PARPBP: variants seen among roughly 807,000 people sequenced by gnomAD.
The protein encoded by PARPBP is PARP1 binding protein, also known as PCNA-interacting partner.
A neutral mutation model predicts 50.0 loss-of-function variants in PARPBP; 52 were observed. The ratio of observed to expected loss-of-function variants is 1.04; its 90% confidence interval spans 0.83 to 1.31. The LOEUF (loss-of-function observed/expected upper bound fraction) is 1.31. Ranked by LOEUF, PARPBP falls within the 50% of genes most tolerant of loss-of-function variation. PARPBP has a pLI of 0.00. For synonymous variants in PARPBP, 244 were observed against 232.1 expected, an observed-to-expected ratio of 1.05 and a Z score of -0.47; for missense variants, 697 against 672.0, an observed-to-expected ratio of 1.04 and a Z score of -0.41.
intron 9 of PARPBP, among the ~76,000 whole-genome samples, chr12:102,189,085 G>A (rs1174981799): frequency 1.3e-5 from 2 of 152,166 alleles, no homozygotes; most frequent in Admixed American, 6.5e-5. Flanking sequence ...GTCCCAGAAT[G>A]AGAGGAGAAA....
Position 102,196,499 on chromosome 12 carries a change from A to G in PARPBP, c.*208A>G. On this transcript the variant is annotated 3_prime_UTR_variant, in exon 11 of 11. Transcript: ENST00000327680. ...ACAAAGTTTAATGCACAGAGAAAGCATATCATTTCAGTTACTGATACATCT... is the reference window on the plus strand; with the variant it reads ...ACAAAGTTTAATGCACAGAGAAAGCGTATCATTTCAGTTACTGATACATCT... 1 of 744,838 alleles carries G rather than the reference A, an allele frequency of 1.3e-6. No homozygotes were observed. Among genetic ancestry groups the G allele is most frequent in the Non-Finnish European group, 2.3e-6 (1 of 426,278 alleles). The allele number at this position is 744,838 out of a possible 1,614,324, so 46.1% of individuals were successfully genotyped here.
At chr12:102,164,299 A>G (rs1887897170) in intron 4 of PARPBP, 139 bp from the exon 5 acceptor site, 1 of 647,630 alleles carries the variant, frequency 1.5e-6, no homozygotes, top group Admixed American at 3.0e-5. Flanking sequence ...ACCTGTTTTT[A>G]TATGGCAGTT....
intron 9 of PARPBP, among the ~76,000 whole-genome samples, chr12:102,184,468 G>T (rs928520560): frequency 1.3e-5 from 2 of 152,156 alleles, no homozygotes; most frequent in African/African-American, 2.4e-5. Flanking sequence ...AAAGTTTTGG[G>T]AAATAGAACA....
At chr12:102,157,010 T>G (rs1446759315) in intron 4 of PARPBP, among the ~76,000 whole-genome samples, 1 of 152,244 alleles carries the variant, frequency 6.6e-6, no homozygotes, top group Non-Finnish European at 1.5e-5. Flanking sequence ...CCTGTTCCAG[T>G]AAGTTAACAC....
chr12:102,191,373 T>G (rs1200943613), intron 9 of PARPBP, among the ~76,000 whole-genome samples: 2 of 152,202 alleles, frequency 1.3e-5, no homozygotes, highest in African/African-American at 4.8e-5. Context: ...TTATATACAA[T>G]TAATATGTCA....
At position 102,152,802 on chromosome 12, in the gene PARPBP, T is replaced by C. The variant is rs1432570709; in HGVS notation, c.388-1067T>C. On this transcript the variant is annotated intron_variant, in intron 3 of 10. Transcript: ENST00000327680. ...AAAAAAAAAAGGGTTCCCAACCCTTTGGTAGATCAATTCAGACCAAAATTA... is the reference window on the plus strand; with the variant it reads ...AAAAAAAAAAGGGTTCCCAACCCTTCGGTAGATCAATTCAGACCAAAATTA... 2.1e-5 allele frequency among the ~76,000 whole-genome samples: 3 copies of C among 145,292 alleles called. No homozygotes were observed. The East Asian group carries it at 5.8e-4, about 28-fold the overall frequency.
chr12:102,130,360 A>G (rs762268961), intron 2 of PARPBP, among the ~76,000 whole-genome samples: 9 of 152,244 alleles, frequency 5.9e-5, no homozygotes, highest in Non-Finnish European at 1.0e-4. Context: ...TGCCAAAAGC[A>G]ATTGCAACAA....
At chr12:102,122,929 C>T (rs113803629) in intron 1 of PARPBP, among the ~76,000 whole-genome samples, 8 of 152,302 alleles carry the variant, frequency 5.3e-5, no homozygotes, top group Non-Finnish European at 1.0e-4. Context: ...TTATGTAGTA[C>T]GGTGTAACAA....
At chr12:102,122,580 G>A (rs540776888) in intron 1 of PARPBP, among the ~76,000 whole-genome samples, 6 of 152,146 alleles carry the variant, frequency 3.9e-5, no homozygotes, top group Non-Finnish European at 7.4e-5. Context: ...CTTTTAGCAG[G>A]CATGTCTGTA....
At chr12:102,126,369 CTATT>C (rs2137125710) in intron 2 of PARPBP, among the ~76,000 whole-genome samples, 1 of 152,272 alleles carries the variant, frequency 6.6e-6, no homozygotes, top group South Asian at 2.1e-4. Flanking sequence ...CTTTTATAGA[CTATT>C]TAGTCATGCT....
At chr12:102,148,769 G>C (rs1162415079) in intron 3 of PARPBP, 3 of 237,906 alleles carry the variant, frequency 1.3e-5, no homozygotes, top group Non-Finnish European at 2.4e-5. Context: ...GTCAAAGATT[G>C]CTTTTGTATT....
intron 3 of PARPBP, among the ~76,000 whole-genome samples, chr12:102,152,393 A>G (rs1271179833): frequency 6.6e-6 from 1 of 152,256 alleles, no homozygotes; most frequent in Non-Finnish European, 1.5e-5. Context: ...GGTTTCTAGC[A>G]GAGATGTAAT....
chr12:102,125,290 G>A (rs1881818215), intron 2 of PARPBP, among the ~76,000 whole-genome samples: 2 of 152,126 alleles, frequency 1.3e-5, no homozygotes, highest in South Asian at 2.1e-4. Flanking sequence ...CATAATAAAT[G>A]CTATTAATAA....
At chr12:102,149,415 G>C (rs1047256353) in intron 3 of PARPBP, among the ~76,000 whole-genome samples, 2 of 152,146 alleles carry the variant, frequency 1.3e-5, no homozygotes, top group Admixed American at 1.3e-4. Flanking sequence ...GCCCATTTTA[G>C]TCCTTGGTTC....
intron 9 of PARPBP, among the ~76,000 whole-genome samples, chr12:102,185,568 A>T (rs1267574762): frequency 1.3e-5 from 2 of 152,168 alleles, no homozygotes; most frequent in African/African-American, 4.8e-5. Context: ...TTTTTGGAAT[A>T]GTTTGAGTAG....
chr12:102,157,647 C>T (rs1334299621), intron 4 of PARPBP, among the ~76,000 whole-genome samples: 1 of 152,082 alleles, frequency 6.6e-6, no homozygotes, highest in Non-Finnish European at 1.5e-5. Context: ...CTCAGGTTAT[C>T]CTGAATTGCC....
Position 102,121,789 on chromosome 12 carries a change from G to A in PARPBP, c.-4+1503G>A, listed in dbSNP as rs527720076. Among the ~76,000 whole-genome samples, 47 of 152,050 alleles carry A rather than the reference G, an allele frequency of 3.1e-4. 1 individual carries two copies. The highest frequency in any genetic ancestry group is 8.9e-4 in the African/African-American group (37 of 41,498). On this transcript the variant is annotated intron_variant, in intron 1 of 10. Coordinates refer to ENST00000327680, the MANE Select transcript of PARPBP (RefSeq NM_017915.5). ...GAACTCCTAACCTTAGGTGAGCCTCGGCTTCCCAAAGTGCTGGGATTACAA... is the reference window on the plus strand; with the variant it reads ...GAACTCCTAACCTTAGGTGAGCCTCAGCTTCCCAAAGTGCTGGGATTACAA...
At chr12:102,166,814 G>A (rs183592004) in intron 6 of PARPBP, among the ~76,000 whole-genome samples, 108 of 152,114 alleles carry the variant, frequency 7.1e-4, no homozygotes, top group Admixed American at 1.8e-3. Flanking sequence ...CTGAATTGCA[G>A]TCTGTCTTCT....
At chr12:102,188,747 CAGAA>C (rs1276028230) in intron 9 of PARPBP, among the ~76,000 whole-genome samples, 1 of 151,690 alleles carries the variant, frequency 6.6e-6, no homozygotes, top group Non-Finnish European at 1.5e-5. Context: ...GGCAAGGAAT[CAGAA>C]AGAAATTAAC....
Sources: allele counts gnomAD v4.1 joint callset (sites outside exome capture counted in the v4.1 genomes callset), GRCh38; gene constraint gnomAD v4.1.1; transcripts MANE v1.5; gene names NCBI Gene and HGNC (gene_info 2026-07-23, HGNC 2026-07-21).